The following MCRIP1 variants were observed in gnomAD, a reference collection of about 807,000 sequenced individuals.
MCRIP1 encodes MAPK regulated corepressor interacting protein 1.
A neutral mutation model predicts 14.4 loss-of-function variants in MCRIP1; 10 were observed. That is an observed-to-expected ratio of 0.70 (90% CI 0.43 to 1.18). The LOEUF is 1.18. Among genes scored for constraint, MCRIP1 ranks in the 50% most tolerant of loss-of-function variants. MCRIP1 has a pLI of 0.00. For synonymous variants in MCRIP1, 53 were observed against 55.7 expected (o/e 0.95, Z 0.21); for missense variants, 119 against 135.4 (o/e 0.88, Z 0.60).
At position 81,826,111 on chromosome 17, in the gene MCRIP1, C is replaced by T. The variant is rs906880194; in HGVS notation, c.-48-1557G>A. On this transcript the variant is annotated intron_variant, in intron 1 of 4. Coordinates refer to ENST00000455127, the MANE Select transcript of MCRIP1 (RefSeq NM_207368.5). ...GCCACTTGGCCTTTATGCAGCCACA[C>T]CTTTGGCCTGGGATCCCCCTGCTGG... 6 of 1,480,016 alleles carry T rather than the reference C, an allele frequency of 4.1e-6. No individual in the cohort carries two copies. In the African/African-American group the frequency reaches 6.9e-5, roughly 17 times the overall value. 91.7% of individuals were successfully genotyped at this position (1,480,016 alleles called of 1,614,324 possible). A position where few individuals can be genotyped will look rare whatever the true frequency, so the allele number is the denominator to read the frequency against.
chr17:81,829,152 C>A (rs746723959), intron 1 of MCRIP1, among the ~76,000 whole-genome samples: 1 of 152,098 alleles, frequency 6.6e-6, no homozygotes, highest in Non-Finnish European at 1.5e-5. Context: ...ACCCAGCACA[C>A]GGCAGACGGC....
chr17:81,830,648 AAAAG>A (rs1453962110), intron 1 of MCRIP1, among the ~76,000 whole-genome samples: 1 of 151,974 alleles, frequency 6.6e-6, no homozygotes, highest in Non-Finnish European at 1.5e-5. Flanking sequence ...AAAAAAAGAA[AAAAG>A]AAAGGGGCTA....
chr17:81,828,847 G>A (rs2038463173), intron 1 of MCRIP1, among the ~76,000 whole-genome samples: 1 of 152,228 alleles, frequency 6.6e-6, no homozygotes, highest in African/African-American at 2.4e-5. Context: ...GAACCAAGAG[G>A]TCACCATGGA....
chr17:81,832,728 C>G (rs137961936), intron 1 of MCRIP1, among the ~76,000 whole-genome samples: 5,918 of 152,380 alleles, frequency 0.039, 164 homozygotes, highest in Middle Eastern at 0.075. Flanking sequence ...GGCGGAGGCC[C>G]CGTTCTCCCC....
chr17:81,826,318 C>T (rs957165901), intron 1 of MCRIP1: 20 of 1,535,414 alleles, frequency 1.3e-5, no homozygotes, highest in East Asian at 9.8e-5. Context: ...TACAACCGCC[C>T]GCACACACCT....
Position 81,823,916 on chromosome 17 carries a change from C to G in MCRIP1, c.127+371G>C. 1 of 512,006 alleles carries G rather than the reference C, an allele frequency of 2.0e-6. No homozygotes were observed. The highest frequency in any genetic ancestry group is 3.5e-5 in the East Asian group (1 of 28,876). The allele number at this position is 512,006 out of a possible 1,614,324, so 31.7% of individuals were successfully genotyped here. On this transcript the variant is annotated intron_variant, in intron 3 of 4. Transcript: ENST00000455127. The surrounding 1 kb of genome is among the most constrained non-coding windows in gnomAD (Gnocchi z 6.0). Reference sequence around the variant, plus strand: ...CCTCCCGGCCACTTCTGCAACACGCCCGTTCATGGCTGGATGCGTGCCTGT... The same window carrying G: ...CCTCCCGGCCACTTCTGCAACACGCGCGTTCATGGCTGGATGCGTGCCTGT...
chr17:81,827,121 G>GAA (rs1251478457), intron 1 of MCRIP1, among the ~76,000 whole-genome samples: 1 of 113,372 alleles, frequency 8.8e-6, no homozygotes, highest in African/African-American at 3.3e-5. Context: ...CCGTCTAAAA[G>GAA]AAAAAAAAAA....
At position 81,823,409 on chromosome 17, in the gene MCRIP1, C is replaced by T; in HGVS notation, c.229+3G>A. On this transcript the variant is annotated splice_donor_region_variant and intron_variant, in intron 4 of 4. Coordinates refer to ENST00000455127, the MANE Select transcript of MCRIP1 (RefSeq NM_207368.5). The surrounding 1 kb of genome is among the most constrained non-coding windows in gnomAD (Gnocchi z 6.0). ...CCCTGCCCCCAGGTCAGCCCCCACT[C>T]ACTCTTCAGGCTGGGGTTAGGGACC... 1.3e-6 allele frequency: 2 copies of T among 1,536,766 alleles called. No individual in the cohort carries two copies. Among genetic ancestry groups the T allele is most frequent in the Non-Finnish European group, 1.7e-6 (2 of 1,146,740 alleles).
intron 1 of MCRIP1, among the ~76,000 whole-genome samples, chr17:81,832,846 G>T (rs1187260097): frequency 2.0e-5 from 3 of 152,224 alleles, no homozygotes; most frequent in Admixed American, 2.0e-4. Context: ...AGAATCGGAG[G>T]CATCCTCAGG....
intron 1 of MCRIP1, among the ~76,000 whole-genome samples, chr17:81,832,590 G>T (rs1375641158): frequency 6.6e-6 from 1 of 152,248 alleles, no homozygotes. Flanking sequence ...CATCCTTGGG[G>T]ATCCAGCTGA....
intron 1 of MCRIP1, chr17:81,826,123 G>A: frequency 2.0e-6 from 3 of 1,482,260 alleles, no homozygotes; most frequent in Non-Finnish European, 2.7e-6. Context: ...TTTGGCCTGG[G>A]ATCCCCCTGC....
chr17:81,823,162 A>G lies in MCRIP1; in HGVS notation c.*85T>C. On this transcript the variant is annotated 3_prime_UTR_variant, in exon 5 of 5. Transcript: ENST00000455127. This position sits in a 1 kb window ranked among gnomAD's most constrained non-coding sequence, Gnocchi z 6.0. The stretch of plus-strand genomic sequence containing the variant: ...CAGCCCGCTGGAGCAAGGCACCCCC[A>G]TCCCAGGGGCAGGACCACAGGACAG... The G allele has an allele frequency of 7.4e-7, 1 of 1,348,538 alleles. No homozygotes were observed. The highest frequency in any genetic ancestry group is 1.0e-6 in the Non-Finnish European group (1 of 977,700). The allele number at this position is 1,348,538 out of a possible 1,614,324, so 83.5% of individuals were successfully genotyped here.
intron 1 of MCRIP1, chr17:81,824,834 C>G (rs189603605): frequency 1.2e-4 from 161 of 1,323,940 alleles, no homozygotes; most frequent in Non-Finnish European, 1.5e-4. Flanking sequence ...CTCCACGTCT[C>G]AGGCTCAGAC....
intron 1 of MCRIP1, among the ~76,000 whole-genome samples, chr17:81,829,881 C>G (rs2143254353): frequency 6.6e-6 from 1 of 152,348 alleles, no homozygotes; most frequent in South Asian, 2.1e-4. Context: ...ACCCTATCCC[C>G]AAGTCACTTA....
chr17:81,825,546 C>T (rs757280707), intron 1 of MCRIP1: 1 of 1,282,630 alleles, frequency 7.8e-7, no homozygotes, highest in South Asian at 1.2e-5. Flanking sequence ...GCAGCCCTCA[C>T]AGAGGGCCAG....
At chr17:81,826,552 G>A in intron 1 of MCRIP1, 1 of 604,254 alleles carries the variant, frequency 1.7e-6, no homozygotes, top group Non-Finnish European at 2.9e-6. Context: ...AGGCACGGTG[G>A]CTCACGCTTG....
At chr17:81,826,302 C>T in intron 1 of MCRIP1, 1 of 1,535,534 alleles carries the variant, frequency 6.5e-7, no homozygotes, top group Non-Finnish European at 8.7e-7. Context: ...CTGCCACACA[C>T]ATGCATACAA....
In MCRIP1 at chr17:81,823,399, A is replaced by G. The variant is rs1433420474; in HGVS notation, c.229+13T>C. On this transcript the variant is annotated intron_variant, in intron 4 of 4. Coordinates refer to ENST00000455127, the MANE Select transcript of MCRIP1 (RefSeq NM_207368.5). This position sits in a 1 kb window ranked among gnomAD's most constrained non-coding sequence, Gnocchi z 6.0. ...GCCGGCCCAGCCCTGCCCCCAGGTC[A>G]GCCCCCACTCACTCTTCAGGCTGGG... The G allele has an allele frequency of 3.9e-6, 6 of 1,536,132 alleles. No homozygotes were observed. Among genetic ancestry groups the G allele is most frequent in the Non-Finnish European group, 2.6e-6 (3 of 1,146,328 alleles).
chr17:81,824,982 C>G (rs540221071), intron 1 of MCRIP1: 2 of 1,059,526 alleles, frequency 1.9e-6, no homozygotes, highest in South Asian at 3.5e-5. Context: ...GCTAACTGAC[C>G]CTGCTCTCCC....
Sources: allele counts gnomAD v4.1 joint callset (sites outside exome capture counted in the v4.1 genomes callset), GRCh38; gene constraint gnomAD v4.1.1; non-coding constraint Gnocchi (gnomAD v3.1); transcripts MANE v1.5; gene names NCBI Gene and HGNC (gene_info 2026-07-23, HGNC 2026-07-21).